RAB41: variants seen among roughly 807,000 people sequenced by gnomAD.
RAB41 encodes ras-related protein Rab-41.
A neutral mutation model predicts 19.0 loss-of-function variants in RAB41; 15 were observed. That is an observed-to-expected ratio of 0.79 (90% CI 0.53 to 1.21). The LOEUF is 1.21. Among genes scored for constraint, RAB41 ranks in the 50% most tolerant of loss-of-function variants. RAB41 has a pLI of 0.00. For missense variants in RAB41, 177 were observed against 179.7 expected (o/e 0.99, Z 0.09); for synonymous variants, 73 against 64.7 (o/e 1.13, Z -0.62).
intron 5 of RAB41, 111 bp downstream of exon 5, chrX:70,283,735 C>T: frequency 1.7e-6 from 1 of 580,218 alleles, no homozygotes; most frequent in Non-Finnish European, 2.9e-6. Flanking sequence ...CCTCTGCCCC[C>T]TACCAGCACT....
Position 70,284,578 on chromosome X carries a change from C to G in RAB41, c.614-10C>G. The G allele has an allele frequency of 8.3e-7, 1 of 1,206,241 alleles. No homozygotes were observed. The highest frequency in any genetic ancestry group is 1.1e-6 in the Non-Finnish European group (1 of 890,711). ...CCTCACTGTATTAGCTTCCTTGACA[C>G]ACACTTCAGCGGTTGAAATCGAACT... is the stretch of plus-strand genomic sequence containing the variant. On this transcript the variant is annotated splice_polypyrimidine_tract_variant and intron_variant, in intron 7 of 7. Coordinates refer to ENST00000374473, the MANE Select transcript of RAB41 (RefSeq NM_001363807.1).
chrX:70,282,361 T>A lies in RAB41; in HGVS notation c.124+20T>A. On this transcript the variant is annotated intron_variant, in intron 1 of 7. Coordinates refer to ENST00000374473, the MANE Select transcript of RAB41 (RefSeq NM_001363807.1). ...AGAGCGGTGTGGGTCTGGGTTGGGC[T>A]TTGGGGACATGGAGGTGTAATTGGT... is the stretch of plus-strand genomic sequence containing the variant. The A allele has an allele frequency of 8.3e-7, 1 of 1,208,528 alleles. No individual in the cohort carries two copies. Among genetic ancestry groups the A allele is most frequent in the Non-Finnish European group, 1.1e-6 (1 of 892,991 alleles).
intron 6 of RAB41, 40 bp from the exon 7 acceptor site, chrX:70,284,226 C>T: frequency 8.6e-7 from 1 of 1,161,575 alleles, no homozygotes; most frequent in Non-Finnish European, 1.2e-6. Flanking sequence ...TTTTTTTTCC[C>T]CTTTTTTTTT....
Position 70,283,290 on chromosome X carries a change from C to T in RAB41, c.260C>T (p.Thr87Ile). 1 of 1,210,271 alleles carries T rather than the reference C, an allele frequency of 8.3e-7. No homozygotes were observed. The highest frequency in any genetic ancestry group is 1.1e-6 in the Non-Finnish European group (1 of 893,823). ...CAGGTTCAGCTGCAGCTATGGGACACAGCTGGCCAGGAGCGCTTTCACAGC... is the reference window on the plus strand; with the variant it reads ...CAGGTTCAGCTGCAGCTATGGGACATAGCTGGCCAGGAGCGCTTTCACAGC... Reference protein sequence around the residue: ...DQIVQLQLWDTAGQERFHSLI... With the variant: ...DQIVQLQLWDIAGQERFHSLI... The change falls in exon 4 of 8, where the codon ACA (threonine) becomes ATA (isoleucine). Residue 87 changes from threonine to isoleucine, a missense_variant. By Grantham distance (89) the Thr-to-Ile change is moderately conservative (BLOSUM62 -1). Coordinates refer to ENST00000374473, the MANE Select transcript of RAB41 (RefSeq NM_001363807.1).
At chrX:70,282,756 T>A (rs748169247) in intron 2 of RAB41, 46 bp from the exon 3 acceptor site, 1 of 1,183,330 alleles carries the variant, frequency 8.5e-7, no homozygotes, top group East Asian at 3.0e-5. Context: ...CTGCCTCATA[T>A]TGGGAATAGA....
At chrX:70,283,880 C>T in intron 5 of RAB41, 70 bp from the exon 6 acceptor site, 5 of 776,670 alleles carry the variant, frequency 6.4e-6, no homozygotes, top group South Asian at 4.5e-5. Flanking sequence ...AGGTAAGCAT[C>T]ATTACACCTC....
chrX:70,282,930 A>G (rs775611406), intron 3 of RAB41, 75 bp downstream of exon 3: 235 of 891,220 alleles, frequency 2.6e-4, no homozygotes, highest in Non-Finnish European at 3.8e-4. Flanking sequence ...GGGTAGCACC[A>G]TCAAAAAAAA....
At position 70,284,053 on chromosome X, in the gene RAB41, GTTTC is replaced by G. The variant is rs752853201; in HGVS notation, c.549+16_549+19del. ...TTACAACGTGAAAAAGGTAATACTT[GTTTC>G]TTTCTATGATACTTTAATTGTGCTC... On this transcript the variant is annotated intron_variant, in intron 6 of 7. Transcript: ENST00000374473. The G allele has an allele frequency of 2.1e-5, 23 of 1,120,690 alleles. No individual in the cohort carries two copies. The highest frequency in any genetic ancestry group is 1.8e-4 in the Admixed American group (8 of 45,535). The allele number at this position is 1,120,690 out of a possible 1,213,427, so 92.4% of individuals were successfully genotyped here.
In RAB41 at chrX:70,282,331, A is replaced by G; in HGVS notation, c.114A>G (p.Gly38=). 8.3e-7 allele frequency: 1 copy of G among 1,211,692 alleles called. No individual in the cohort carries two copies. The highest frequency in any genetic ancestry group is 1.1e-6 in the Non-Finnish European group (1 of 895,446). Residue 38 remains glycine, a synonymous_variant, in exon 1 of 8, where the codon GGA becomes GGG. Transcript: ENST00000374473. ...GCAAATCTAAACTCTTATTCCTGGG[A>G]GAGCAGAGCGGTGTGGGTCTGGGTT... ...SLCKSKLLFL[G]EQSVGKTSII...
rs2085709763 is a variant in RAB41 at position 70,284,831 on chromosome X, G to A, written c.*188G>A. ...TGACCGCATCTCACAGCTACTGGGT[G>A]GAAGCTTCTTGCAGCACCTGGGAAT... On this transcript the variant is annotated 3_prime_UTR_variant, in exon 8 of 8. Transcript: ENST00000374473. 2.5e-5 allele frequency: 11 copies of A among 444,215 alleles called. No homozygotes were observed. In the South Asian group the frequency reaches 3.4e-4, roughly 14 times the overall value. The allele number at this position is 444,215 out of a possible 1,213,427, so 36.6% of individuals were successfully genotyped here.
chrX:70,284,226 CCT>C, intron 6 of RAB41, 38 bp from the exon 7 acceptor site: 1 of 1,161,571 alleles, frequency 8.6e-7, no homozygotes, highest in African/African-American at 1.8e-5. Flanking sequence ...TTTTTTTTCC[CCT>C]TTTTTTTTTT....
intron 3 of RAB41, 68 bp from the exon 4 acceptor site, chrX:70,283,200 G>T: frequency 2.1e-6 from 2 of 931,275 alleles, no homozygotes; most frequent in South Asian, 4.3e-5. Flanking sequence ...TATTAGGTTT[G>T]AGCTTTTTAA....
chrX:70,283,702 T>C (rs1342873222), intron 5 of RAB41, 78 bp downstream of exon 5: 4 of 731,998 alleles, frequency 5.5e-6, no homozygotes, highest in African/African-American at 4.2e-5. Flanking sequence ...CTCTATTTAC[T>C]TGGGGAGGAG....
At chrX:70,283,139 A>G in intron 3 of RAB41, 129 bp from the exon 4 acceptor site, 1 of 558,519 alleles carries the variant, frequency 1.8e-6, no homozygotes, top group South Asian at 3.0e-5. Flanking sequence ...CTGAGGCTAT[A>G]GCAGCCACTT....
chrX:70,284,144 A>AG (rs2085704661), intron 6 of RAB41, 101 bp downstream of exon 6: 2 of 965,011 alleles, frequency 2.1e-6, no homozygotes, highest in African/African-American at 3.9e-5. Context: ...TTTGTGGGAT[A>AG]GGGGTCAAGG....
intron 7 of RAB41, 90 bp from the exon 8 acceptor site, chrX:70,284,498 C>T: frequency 1.0e-6 from 1 of 961,390 alleles, no homozygotes. Flanking sequence ...GATCAGAATT[C>T]CTCTTCTACA....
chrX:70,284,138 T>C, intron 6 of RAB41, 95 bp downstream of exon 6: 1 of 973,321 alleles, frequency 1.0e-6, no homozygotes, highest in Non-Finnish European at 1.5e-6. Context: ...TTATCTTTTG[T>C]GGGATAGGGG....
chrX:70,284,344 A>G lies in RAB41; in HGVS notation c.613+15A>G. ...AAAAGAGGGGAGTATCCTTTTTCCT[A>G]GCTTTGCTGGGGTAGGGAGTATACA... On this transcript the variant is annotated intron_variant, in intron 7 of 7. Transcript: ENST00000374473. 1.7e-6 allele frequency: 2 copies of G among 1,197,858 alleles called. No individual in the cohort carries two copies. The highest frequency in any genetic ancestry group is 2.3e-6 in the Non-Finnish European group (2 of 886,525).
chrX:70,283,835 G>T, intron 5 of RAB41, 115 bp from the exon 6 acceptor site: 1 of 571,206 alleles, frequency 1.8e-6, no homozygotes, highest in Non-Finnish European at 2.9e-6. Context: ...AGTCAGAAGG[G>T]TCATGGGTTT....
Sources: gnomAD v4.1 joint callset for allele counts on GRCh38, gnomAD v4.1.1 for gene constraint, MANE v1.5 for transcripts, NCBI Gene and HGNC (gene_info 2026-07-23, HGNC 2026-07-21) for gene names.